The following UBE2U variants were observed in gnomAD, a reference collection of about 807,000 sequenced individuals.
UBE2U encodes the protein ubiquitin conjugating enzyme E2 U.
UBE2U carries 39 observed loss-of-function variants against 41.2 expected under a neutral mutation model. The ratio of observed to expected loss-of-function variants is 0.95; its 90% CI spans 0.73 to 1.24. UBE2U has a LOEUF of 1.24. UBE2U is among the 50% of genes most tolerant of loss of function. The pLI, the probability that UBE2U is intolerant of heterozygous loss-of-function variation, is 0.00. For missense variants in UBE2U, 336 were observed against 363.1 expected (o/e 0.93, Z 0.61); for synonymous variants, 107 against 117.8 (o/e 0.91, Z 0.60).
At chr1:64,239,092 G>GAAGAAGAAGAAGAAGAAA (rs1644737300) in intron 7 of UBE2U, among the ~76,000 whole-genome samples, 5 of 42,746 alleles carry the variant, frequency 1.2e-4, no homozygotes, top group Non-Finnish European at 1.7e-4. Flanking sequence ...AAGAGGAAGA[G>GAAGAAGAAGAAGAAGAAA]GAAGAAGAAG....
chr1:64,208,783 C>G (rs1037028474), intron 3 of UBE2U, among the ~76,000 whole-genome samples: 5 of 152,102 alleles, frequency 3.3e-5, no homozygotes, highest in African/African-American at 1.2e-4. Flanking sequence ...GGTCTACGAA[C>G]CTTTTAGGTC....
At chr1:64,221,173 G>A (rs7536575) in intron 6 of UBE2U, among the ~76,000 whole-genome samples, 25,255 of 152,072 alleles carry the variant, frequency 0.17, 2,718 homozygotes, top group Non-Finnish European at 0.24. Flanking sequence ...ATGCAATGGC[G>A]CAATCTCAGC....
intron 8 of UBE2U, among the ~76,000 whole-genome samples, chr1:64,251,849 A>G (rs923460880): frequency 5.3e-5 from 8 of 152,148 alleles, no homozygotes; most frequent in Admixed American, 3.9e-4. Context: ...AGATCCACCC[A>G]TACATTCCCC....
At chr1:64,219,444 T>G (rs997669108) in intron 5 of UBE2U, among the ~76,000 whole-genome samples, 3 of 152,152 alleles carry the variant, frequency 2.0e-5, no homozygotes, top group African/African-American at 7.2e-5. Context: ...GATAAGCTAT[T>G]GAAATCTCAA....
intron 8 of UBE2U, chr1:64,244,217 A>T (rs1644883125): frequency 1.0e-5 from 16 of 1,573,140 alleles, no homozygotes; most frequent in Non-Finnish European, 1.3e-5. Flanking sequence ...AACCACTCTG[A>T]ACTTGTTTTT....
intron 5 of UBE2U, among the ~76,000 whole-genome samples, chr1:64,216,627 A>G (rs1322585613): frequency 6.6e-6 from 1 of 152,224 alleles, no homozygotes; most frequent in African/African-American, 2.4e-5. Flanking sequence ...CCTTAAATGT[A>G]TCAGGGACTT....
At position 64,203,744 on chromosome 1, in the gene UBE2U, G is replaced by GTAGA; in HGVS notation, c.-306_-305insAGAT. ...ACTCACGCGCCGACGACATGGGCTT[G>GTAGA]TCTCCGTTACTCATCCAAGTTTGTC... On this transcript the variant is annotated 5_prime_UTR_variant, in exon 1 of 10. The change creates a premature stop within an existing upstream ORF in the 5' untranslated region. Coordinates refer to ENST00000371077, the MANE Select transcript of UBE2U (RefSeq NM_001366232.2). 3.5e-6 allele frequency: 1 copy of GTAGA among 284,270 alleles called. No individual in the cohort carries two copies. Among genetic ancestry groups the GTAGA allele is most frequent in the Admixed American group, 5.1e-5 (1 of 19,482 alleles). 17.6% of individuals were successfully genotyped at this position (284,270 alleles called of 1,614,324 possible).
intron 9 of UBE2U, 121 bp from the exon 10 acceptor site, chr1:64,266,903 G>A (rs560690429): frequency 1.5e-4 from 123 of 818,914 alleles, no homozygotes; most frequent in Non-Finnish European, 2.2e-4. Flanking sequence ...GTGTATAAAA[G>A]GTTGCTCACA....
intron 3 of UBE2U, 21 bp from the exon 4 acceptor site, chr1:64,210,721 T>C: frequency 7.3e-7 from 1 of 1,375,122 alleles, no homozygotes. Context: ...ATGCAAATAT[T>C]AATGTATTAT....
At position 64,206,620 on chromosome 1, in the gene UBE2U, G is replaced by A; in HGVS notation, c.149-144G>A. 3 of 573,310 alleles carry A rather than the reference G, an allele frequency of 5.2e-6. No homozygotes were observed. In the East Asian group the frequency reaches 9.0e-5, roughly 17 times the overall value. 35.5% of individuals were successfully genotyped at this position (573,310 alleles called of 1,614,324 possible). On this transcript the variant is annotated intron_variant, in intron 2 of 9. Coordinates refer to ENST00000371077, the MANE Select transcript of UBE2U (RefSeq NM_001366232.2). ...GAAGTGTCTGTTATACTATCCAGAG[G>A]AGTCGGTGCACTCTATGAATCAATT... is the stretch of plus-strand genomic sequence containing the variant.
chr1:64,232,446 G>A (rs772343921), intron 6 of UBE2U, 115 bp from the exon 7 acceptor site: 2 of 609,942 alleles, frequency 3.3e-6, no homozygotes, highest in Non-Finnish European at 2.7e-6. Flanking sequence ...CAATTTGCAA[G>A]TCAGTTTAAT....
chr1:64,263,040 G>A (rs1007499894), intron 9 of UBE2U, among the ~76,000 whole-genome samples: 6 of 142,714 alleles, frequency 4.2e-5, no homozygotes, highest in Non-Finnish European at 7.8e-5. Context: ...GGAAAAAAAG[G>A]TGAAAACCCA....
chr1:64,256,559 T>A (rs1022293324), intron 8 of UBE2U, among the ~76,000 whole-genome samples: 1 of 152,266 alleles, frequency 6.6e-6, no homozygotes, highest in Middle Eastern at 3.4e-3. Context: ...GAAAACTAGC[T>A]AGCCATATGC....
At chr1:64,204,538 G>A (rs1243172708) in intron 1 of UBE2U, among the ~76,000 whole-genome samples, 1 of 152,158 alleles carries the variant, frequency 6.6e-6, no homozygotes, top group Admixed American at 6.6e-5. Flanking sequence ...GGACTTCAAA[G>A]CCCTAGTTCT....
chr1:64,243,275 A>T (rs1206099801), intron 8 of UBE2U, among the ~76,000 whole-genome samples: 1 of 152,206 alleles, frequency 6.6e-6, no homozygotes, highest in East Asian at 1.9e-4. Flanking sequence ...ATGCAGTTTT[A>T]AAAAGATATT....
chr1:64,215,938 C>T (rs972991958), intron 5 of UBE2U, among the ~76,000 whole-genome samples: 1 of 152,182 alleles, frequency 6.6e-6, no homozygotes, highest in African/African-American at 2.4e-5. Flanking sequence ...TTATATCCTG[C>T]CCCACCTTCT....
At chr1:64,261,312 G>A (rs1253310302) in intron 9 of UBE2U, among the ~76,000 whole-genome samples, 2 of 152,088 alleles carry the variant, frequency 1.3e-5, no homozygotes, top group Non-Finnish European at 2.9e-5. Flanking sequence ...AGCTAGTACT[G>A]TGTATGTGGA....
chr1:64,244,050 C>T, intron 8 of UBE2U: 3 of 940,182 alleles, frequency 3.2e-6, no homozygotes, highest in Non-Finnish European at 1.7e-6. Flanking sequence ...CAAACAGTAT[C>T]TGGTGCATGG....
At chr1:64,221,408 C>A (rs1051834187) in intron 6 of UBE2U, among the ~76,000 whole-genome samples, 1 of 152,110 alleles carries the variant, frequency 6.6e-6, no homozygotes, top group Non-Finnish European at 1.5e-5. Flanking sequence ...CCACTGTGCC[C>A]GGCCGATCTT....
Sources: allele counts gnomAD v4.1 joint callset (sites outside exome capture counted in the v4.1 genomes callset), GRCh38; gene constraint gnomAD v4.1.1; transcripts MANE v1.5; gene names NCBI Gene and HGNC (gene_info 2026-07-23, HGNC 2026-07-21).